The following TTC1 variants were observed in gnomAD, a reference collection of about 807,000 sequenced individuals.
TTC1 encodes the protein tetratricopeptide repeat domain 1.
In TTC1, 31 loss-of-function variants were observed where a neutral mutation model predicts 37.6. The ratio of observed to expected loss-of-function variants is 0.82; its 90% CI spans 0.62 to 1.11. The LOEUF is 1.11. Ranked by LOEUF, TTC1 falls within the 50% of genes most tolerant of loss-of-function variation. TTC1 has a pLI of 0.00. For missense variants in TTC1, 351 were observed against 339.0 expected (o/e 1.04, Z -0.28); for synonymous variants, 127 against 122.4 (o/e 1.04, Z -0.25).
At chr5:160,044,845 C>T (rs1440800062) in intron 5 of TTC1, among the ~76,000 whole-genome samples, 1 of 152,198 alleles carries the variant, frequency 6.6e-6, no homozygotes, top group African/African-American at 2.4e-5. Context: ...GATGGAGCCA[C>T]TTTGATTCAG....
At chr5:160,024,091 G>A in intron 2 of TTC1, 1 of 844,776 alleles carries the variant, frequency 1.2e-6, no homozygotes, top group Non-Finnish European at 2.0e-6. Context: ...ATGGGCAATG[G>A]GTAGAGCCTT....
chr5:160,037,071 G>A lies in TTC1; in HGVS notation c.504+268G>A, dbSNP rs573918035. Reference sequence around the variant, plus strand: ...TTTTGCTAAACTAGGTCAGGTTAATGAAGCAATGAGCCAAGCAGTGCATGT... The same window carrying A: ...TTTTGCTAAACTAGGTCAGGTTAATAAAGCAATGAGCCAAGCAGTGCATGT... On this transcript the variant is annotated intron_variant, in intron 4 of 7. Coordinates refer to ENST00000231238, the MANE Select transcript of TTC1 (RefSeq NM_003314.3). Among the ~76,000 whole-genome samples, 4 of 152,310 alleles carry A rather than the reference G, an allele frequency of 2.6e-5. No individual in the cohort carries two copies. The South Asian group carries it at 8.3e-4, about 32-fold the overall frequency.
At chr5:160,063,220 A>G (rs1753484242) in intron 7 of TTC1, among the ~76,000 whole-genome samples, 1 of 152,188 alleles carries the variant, frequency 6.6e-6, no homozygotes, top group Admixed American at 6.5e-5. Context: ...GGAGGCCTGT[A>G]AAATGTAAAG....
At chr5:160,051,646 A>G (rs1409424049) in intron 7 of TTC1, among the ~76,000 whole-genome samples, 1 of 152,222 alleles carries the variant, frequency 6.6e-6, no homozygotes, top group African/African-American at 2.4e-5. Flanking sequence ...GAGGGCAGGA[A>G]TTAGGAGTAA....
chr5:160,065,421 G>GA lies in TTC1; in HGVS notation c.*357dup. On this transcript the variant is annotated 3_prime_UTR_variant, in exon 8 of 8. Coordinates refer to ENST00000231238, the MANE Select transcript of TTC1 (RefSeq NM_003314.3). ...AACCAAACAAACCTGTTGGTTGGGA[G>GA]ACTGCCCAGACATGATTGATGACGG... 2.1e-6 allele frequency: 1 copy of GA among 470,812 alleles called. No homozygotes were observed. The highest frequency in any genetic ancestry group is 1.5e-5 in the South Asian group (1 of 64,680). The allele number at this position is 470,812 out of a possible 1,614,324, so 29.2% of individuals were successfully genotyped here.
intron 2 of TTC1, among the ~76,000 whole-genome samples, chr5:160,033,093 A>G (rs1180838205): frequency 6.6e-6 from 1 of 152,138 alleles, no homozygotes; most frequent in Non-Finnish European, 1.5e-5. Flanking sequence ...ATACCTTGCC[A>G]GTAAACCTGC....
In TTC1 at chr5:160,010,607, G is replaced by A. The variant is rs1359394674; in HGVS notation, c.79G>A (p.Glu27Lys). The A allele has an allele frequency of 3.1e-6, 5 of 1,614,000 alleles. No homozygotes were observed. The East Asian group carries it at 8.9e-5, about 29-fold the overall frequency. ...GLKVTDTQEAECAGPPVPDPK... is the reference protein window; with the variant it reads ...GLKVTDTQEAKCAGPPVPDPK... ...GAAGGTTACAGATACTCAGGAAGCC[G>A]AGTGTGCTGGCCCTCCAGTTCCTGA... The change falls in exon 2 of 8, where the codon GAG becomes AAG. Residue 27 changes from glutamate to lysine, a missense_variant. Glu to Lys is a moderately conservative substitution (Grantham distance 56, BLOSUM62 1). Coordinates refer to ENST00000231238, the MANE Select transcript of TTC1 (RefSeq NM_003314.3).
intron 2 of TTC1, among the ~76,000 whole-genome samples, chr5:160,032,584 A>G (rs139490813): frequency 9.3e-4 from 141 of 152,250 alleles, no homozygotes; most frequent in African/African-American, 3.4e-3. Context: ...GAGTGAAGCA[A>G]AGACAATGGA....
chr5:160,035,166 A>T lies in TTC1; in HGVS notation c.357A>T (p.Leu119=). Residue 119 remains leucine (L), a synonymous_variant, in exon 3 of 8, where the codon CTA becomes CTT. Coordinates refer to ENST00000231238, the MANE Select transcript of TTC1 (RefSeq NM_003314.3). Reference sequence around the variant, plus strand: ...AAAGAAGAGAAGAGAGCACTAGACTAAAGGAGGAGGGAAATGAACAGTTTA... The same window carrying T: ...AAAGAAGAGAAGAGAGCACTAGACTTAAGGAGGAGGGAAATGAACAGTTTA... ...KQKRREESTR[L]KEEGNEQFKK... The T allele has an allele frequency of 6.2e-7, 1 of 1,605,104 alleles. No individual in the cohort carries two copies.
At chr5:160,017,125 A>G (rs1258299941) in intron 2 of TTC1, among the ~76,000 whole-genome samples, 1 of 152,230 alleles carries the variant, frequency 6.6e-6, no homozygotes, top group Non-Finnish European at 1.5e-5. Context: ...ATGTGAAGCA[A>G]ATAACTGGTT....
chr5:160,034,453 C>T (rs979343104), intron 2 of TTC1, among the ~76,000 whole-genome samples: 1 of 152,158 alleles, frequency 6.6e-6, no homozygotes, highest in African/African-American at 2.4e-5. Flanking sequence ...TGTTAACCTG[C>T]TAACAGTATA....
intron 2 of TTC1, among the ~76,000 whole-genome samples, chr5:160,022,358 A>G (rs764694667): frequency 2.0e-5 from 3 of 152,202 alleles, no homozygotes; most frequent in Non-Finnish European, 4.4e-5. Flanking sequence ...CATGCTACCC[A>G]GGATTTTAAA....
At position 160,024,003 on chromosome 5, in the gene TTC1, C is replaced by T. The variant is rs1756759305; in HGVS notation, c.331-11137C>T. ...CCTGGTTGCATGAAACAATCTTTTG[C>T]AAAGTGGCCTTTACAGCCACACTTC... is the stretch of plus-strand genomic sequence containing the variant. On this transcript the variant is annotated intron_variant, in intron 2 of 7. Coordinates refer to ENST00000231238, the MANE Select transcript of TTC1 (RefSeq NM_003314.3). The T allele has an allele frequency of 2.6e-6, 4 of 1,518,062 alleles. No individual in the cohort carries two copies. The South Asian group carries it at 3.4e-5, about 13-fold the overall frequency. 94.0% of individuals were successfully genotyped at this position (1,518,062 alleles called of 1,614,324 possible).
At chr5:160,062,501 T>C (rs750373606) in intron 7 of TTC1, among the ~76,000 whole-genome samples, 4 of 152,222 alleles carry the variant, frequency 2.6e-5, no homozygotes, top group Admixed American at 6.5e-5. Context: ...AGACTGAGCA[T>C]TGTGCATAGA....
intron 2 of TTC1, among the ~76,000 whole-genome samples, chr5:160,033,396 C>T (rs994479476): frequency 5.8e-4 from 89 of 152,310 alleles, no homozygotes; most frequent in African/African-American, 2.0e-3. Flanking sequence ...TGAGATTCAT[C>T]AAGTGCTCTG....
At chr5:160,021,151 A>G (rs1400153472) in intron 2 of TTC1, among the ~76,000 whole-genome samples, 1 of 152,216 alleles carries the variant, frequency 6.6e-6, no homozygotes, top group Non-Finnish European at 1.5e-5. Context: ...TGTATTAACC[A>G]TGCACAGCCT....
chr5:160,039,263 C>G (rs942746556), intron 4 of TTC1: 2 of 150,638 alleles, frequency 1.3e-5, no homozygotes, highest in Admixed American at 1.3e-4. Context: ...GAGCAGAGCC[C>G]TAAAAGAGTA....
At chr5:160,062,228 C>T (rs1442084878) in intron 7 of TTC1, 1 of 152,228 alleles carries the variant, frequency 6.6e-6, no homozygotes, top group East Asian at 1.9e-4. Context: ...AGAATTCTTC[C>T]TCTCGTCGGC....
chr5:160,021,570 C>T (rs535048667), intron 2 of TTC1, among the ~76,000 whole-genome samples: 135 of 152,278 alleles, frequency 8.9e-4, no homozygotes, highest in African/African-American at 3.1e-3. Context: ...AAGGATAACA[C>T]CTACTGAGAG....
Sources: gnomAD v4.1 joint callset for allele counts (sites outside exome capture counted in the v4.1 genomes callset) on GRCh38, gnomAD v4.1.1 for gene constraint, MANE v1.5 for transcripts, NCBI Gene and HGNC (gene_info 2026-07-23, HGNC 2026-07-21) for gene names.